Variants in USP45 observed in about 807,000 individuals in gnomAD.
USP45 encodes ubiquitin specific peptidase 45, also known as ubiquitin carboxyl-terminal hydrolase 45.
Under a neutral mutation model 95.8 loss-of-function variants are expected in USP45, and 89 were observed. The observed-to-expected ratio is 0.93, with a 90% CI of 0.78 to 1.11. The LOEUF is 1.11. Ranked by LOEUF, USP45 falls within the 50% of genes least tolerant of loss-of-function variation. The probability of loss-of-function intolerance (pLI) is 0.00; values close to 1 mark genes in which losing one functional copy is unlikely to be tolerated. For missense variants in USP45, 898 were observed against 942.5 expected (o/e 0.95, Z 0.62); for synonymous variants, 281 against 316.2 (o/e 0.89, Z 1.18).
chr6:99,440,399 T>C (rs1781303240), intron 15 of USP45, among the ~76,000 whole-genome samples: 1 of 152,222 alleles, frequency 6.6e-6, no homozygotes, highest in Non-Finnish European at 1.5e-5. Context: ...TTCTTAAATA[T>C]GCTCTCTTTT....
chr6:99,481,136 G>C (rs192719414), intron 8 of USP45, among the ~76,000 whole-genome samples: 1 of 152,086 alleles, frequency 6.6e-6, no homozygotes, highest in Non-Finnish European at 1.5e-5. Flanking sequence ...AATAATGTTT[G>C]ATCTAGTTAT....
intron 16 of USP45, among the ~76,000 whole-genome samples, chr6:99,438,098 T>G (rs551309537): frequency 1.3e-5 from 2 of 152,360 alleles, no homozygotes; most frequent in South Asian, 4.1e-4. Flanking sequence ...ATTGCAGGAT[T>G]ATCTGTAATA....
At chr6:99,436,480 C>T (rs535739403) in intron 17 of USP45, among the ~76,000 whole-genome samples, 2 of 152,082 alleles carry the variant, frequency 1.3e-5, no homozygotes, top group South Asian at 2.1e-4. Context: ...CGCTTGAACC[C>T]GGAAGGCAGA....
At chr6:99,479,701 A>G (rs2128695716) in intron 8 of USP45, among the ~76,000 whole-genome samples, 1 of 152,222 alleles carries the variant, frequency 6.6e-6, no homozygotes, top group Admixed American at 6.5e-5. Context: ...ACTAAGAATA[A>G]TTGGGAATTT....
At chr6:99,511,123 T>C (rs1462704679) in intron 1 of USP45, among the ~76,000 whole-genome samples, 1 of 152,090 alleles carries the variant, frequency 6.6e-6, no homozygotes, top group Non-Finnish European at 1.5e-5. Flanking sequence ...CTACAAAAGT[T>C]AAAAGAACAG....
At chr6:99,508,163 CT>C (rs1228330946) in intron 3 of USP45, among the ~76,000 whole-genome samples, 1 of 149,156 alleles carries the variant, frequency 6.7e-6, no homozygotes, top group East Asian at 2.0e-4. Flanking sequence ...AAAGATTTCT[CT>C]TATTTTTTTA....
chr6:99,456,139 A>G (rs1235752209), intron 13 of USP45, among the ~76,000 whole-genome samples: 5 of 147,878 alleles, frequency 3.4e-5, no homozygotes, highest in African/African-American at 9.8e-5. Context: ...TCTCGGAAAA[A>G]AAAAAAAAAA....
Position 99,443,573 on chromosome 6 carries a change from A to G in USP45, c.2065T>C (p.Phe689Leu). Residue 689 changes from phenylalanine (F) to leucine (L), a missense_variant, in exon 15 of 18, where the codon TTT becomes CTT. Coordinates refer to ENST00000500704, the MANE Select transcript of USP45 (RefSeq NM_001346022.3). ...PAVLILHLKR[F>L]HQAGLSLRKV... is the part of the protein sequence containing the mutation. ...CTACTGAAGAAACTTACCTGATGAA[A>G]TCTTTTCAGGTGGAGAATTAGGACA... is the stretch of plus-strand genomic sequence containing the variant. 1 of 1,607,330 alleles carries G rather than the reference A, an allele frequency of 6.2e-7. No individual in the cohort carries two copies. The highest frequency in any genetic ancestry group is 1.3e-5 in the African/African-American group (1 of 74,966).
chr6:99,482,981 A>C, intron 7 of USP45, 98 bp from the exon 8 acceptor site: 1 of 986,048 alleles, frequency 1.0e-6, no homozygotes, highest in South Asian at 4.3e-5. Context: ...ACACCAACTA[A>C]ATTGCCTCAA....
At chr6:99,453,592 T>C (rs1246746229) in intron 13 of USP45, among the ~76,000 whole-genome samples, 1 of 152,194 alleles carries the variant, frequency 6.6e-6, no homozygotes, top group African/African-American at 2.4e-5. Flanking sequence ...CAAAGCAATC[T>C]ATAGACTCCA....
intron 13 of USP45, among the ~76,000 whole-genome samples, chr6:99,463,069 T>C (rs866696821): frequency 2.0e-5 from 3 of 151,888 alleles, no homozygotes; most frequent in Non-Finnish European, 4.4e-5. Flanking sequence ...TATAAAAAAG[T>C]TTTTTTTGCT....
rs766146938 is a variant in USP45 at position 99,432,968 on chromosome 6, T to G, written c.*2748A>C. On this transcript the variant is annotated 3_prime_UTR_variant, in exon 18 of 18. Coordinates refer to ENST00000500704, the MANE Select transcript of USP45 (RefSeq NM_001346022.3). ...TTAAAATAAGAGAACAGGCATCAAC[T>G]ATTCTTTGAATTGATACCAACTGTC... The G allele has an allele frequency of 2.0e-5, 3 of 152,446 alleles. No homozygotes were observed. The highest frequency in any genetic ancestry group is 4.4e-5 in the Non-Finnish European group (3 of 68,036). 9.4% of individuals were successfully genotyped at this position (152,446 alleles called of 1,614,324 possible). A position where few individuals can be genotyped will look rare whatever the true frequency, so the allele number is the denominator to read the frequency against.
intron 1 of USP45, among the ~76,000 whole-genome samples, chr6:99,510,977 T>C (rs1799656890): frequency 1.3e-5 from 2 of 152,306 alleles, no homozygotes; most frequent in East Asian, 3.9e-4. Context: ...AAGCCAAGCA[T>C]AGTAAAGCCA....
rs139278154 is a variant in USP45, at chr6:99,439,839, C to G, written c.2090G>C (p.Arg697Pro). The G allele has an allele frequency of 6.2e-7, 1 of 1,606,696 alleles. No individual in the cohort carries two copies. The highest frequency in any genetic ancestry group is 8.5e-7 in the Non-Finnish European group (1 of 1,176,320). ...AAAATCTACATGTCTGTTTACTTTA[C>G]GAAGACTCAAGCCAGCCTTAAAAAG... The part of the protein sequence containing the change: ...KRFHQAGLSL[R>P]KVNRHVDFPL... The change falls in exon 16 of 18, where the codon CGT becomes CCT. Residue 697 changes from arginine (R) to proline (P), a missense_variant. Physicochemically the swap from Arg to Pro is moderately radical, Grantham distance 103. Transcript: ENST00000500704.
At chr6:99,493,892 C>T (rs1435873817) in intron 5 of USP45, among the ~76,000 whole-genome samples, 2 of 152,134 alleles carry the variant, frequency 1.3e-5, no homozygotes, top group Non-Finnish European at 2.9e-5. Flanking sequence ...TTCAATCTGG[C>T]AGTGCAAACA....
In USP45 at chr6:99,439,420, C is replaced by T. The variant is rs113009990; in HGVS notation, c.2160+349G>A. Among the ~76,000 whole-genome samples the T allele has an allele frequency of 2.2e-3, 334 of 152,260 alleles. 4 individuals carry two copies. The highest frequency in any genetic ancestry group is 7.6e-3 in the African/African-American group (315 of 41,526). ...CTGATTTGCAAAAGATACAGAACTC[C>T]GCAAATGGTAAAACTACTACTGATT... On this transcript the variant is annotated intron_variant, in intron 16 of 17. Transcript: ENST00000500704.
In USP45 at chr6:99,456,460, G is replaced by T. The variant is rs570433551; in HGVS notation, c.1308+8144C>A. ...GGGAAGTCAGGGACCCCAAATGGAG[G>T]GACCGGCTGAAGCCATGGCAGAAGA... is the stretch of plus-strand genomic sequence containing the variant. On this transcript the variant is annotated intron_variant, in intron 13 of 17. Coordinates refer to ENST00000500704, the MANE Select transcript of USP45 (RefSeq NM_001346022.3). Among the ~76,000 whole-genome samples the T allele has an allele frequency of 2.0e-5, 3 of 152,314 alleles. No individual in the cohort carries two copies. The South Asian group carries it at 6.2e-4, about 32-fold the overall frequency.
chr6:99,503,661 G>T, intron 5 of USP45, 104 bp downstream of exon 5: 1 of 739,414 alleles, frequency 1.4e-6, no homozygotes, highest in Non-Finnish European at 2.1e-6. Context: ...CAAATTATTG[G>T]CTGGGCTGTC....
chr6:99,454,746 T>G (rs1784632869), intron 13 of USP45, among the ~76,000 whole-genome samples: 1 of 151,564 alleles, frequency 6.6e-6, no homozygotes, highest in Non-Finnish European at 1.5e-5. Flanking sequence ...AGAAAAGGAG[T>G]CTGAAACACG....
Sources: allele counts gnomAD v4.1 joint callset (sites outside exome capture counted in the v4.1 genomes callset), GRCh38; gene constraint gnomAD v4.1.1; transcripts MANE v1.5; gene names NCBI Gene and HGNC (gene_info 2026-07-23, HGNC 2026-07-21).